The following PPP1R1A variants were observed in gnomAD, a reference collection of about 807,000 sequenced individuals.
The protein encoded by PPP1R1A is protein phosphatase 1 regulatory inhibitor subunit 1A.
Under a neutral mutation model 23.9 loss-of-function variants are expected in PPP1R1A, and 18 were observed. That is an observed-to-expected ratio of 0.75 (90% CI 0.52 to 1.12). PPP1R1A has a LOEUF of 1.12. Ranked by LOEUF, PPP1R1A falls within the 50% of genes most tolerant of loss-of-function variation. The pLI is 0.00. For synonymous variants in PPP1R1A, 84 were observed against 80.7 expected, an observed-to-expected ratio of 1.04 and a Z score of -0.22; for missense variants, 207 against 223.8, an observed-to-expected ratio of 0.92 and a Z score of 0.48.
rs1406280712 is a variant in PPP1R1A, at chr12:54,581,133, C to T, written c.404-83G>A. The T allele has an allele frequency of 3.6e-6, 4 of 1,098,000 alleles. No homozygotes were observed. In the African/African-American group the frequency reaches 6.2e-5, roughly 17 times the overall value. The allele number at this position is 1,098,000 out of a possible 1,614,324, so 68.0% of individuals were successfully genotyped here. On this transcript the variant is annotated intron_variant, in intron 5 of 6. Transcript: ENST00000257905. This position sits in a 1 kb window ranked among gnomAD's most constrained non-coding sequence, Gnocchi z 4.1. ...GGGAACTGCTTCTCCTCACTGCACCCATACCCCAGTGGCCCCTGAGAGGGC... is the reference window on the plus strand; with the variant it reads ...GGGAACTGCTTCTCCTCACTGCACCTATACCCCAGTGGCCCCTGAGAGGGC...
rs1957935623 is a variant in PPP1R1A, at chr12:54,588,546, G to C, written c.-58C>G. 1.8e-6 allele frequency: 2 copies of C among 1,130,466 alleles called. No individual in the cohort carries two copies. The highest frequency in any genetic ancestry group is 2.3e-6 in the Non-Finnish European group (2 of 877,320). 70.0% of individuals were successfully genotyped at this position (1,130,466 alleles called of 1,614,324 possible). A position where few individuals can be genotyped will look rare whatever the true frequency, so the allele number is the denominator to read the frequency against. On this transcript the variant is annotated 5_prime_UTR_variant, in exon 1 of 7. Coordinates refer to ENST00000257905, the MANE Select transcript of PPP1R1A (RefSeq NM_006741.4). ...GGCGGGAGGGAAGGCGGCGGGACTC[G>C]GGGCTGGGGCGGGCGCGCTCCCTCT...
chr12:54,586,126 C>T (rs1462508952), intron 1 of PPP1R1A, among the ~76,000 whole-genome samples: 3 of 151,964 alleles, frequency 2.0e-5, no homozygotes, highest in Admixed American at 6.6e-5. Context: ...GGTGGAGTGG[C>T]GATCAGTGGG....
chr12:54,588,067 G>C (rs1311813070), intron 1 of PPP1R1A, among the ~76,000 whole-genome samples: 1 of 152,012 alleles, frequency 6.6e-6, no homozygotes, highest in Non-Finnish European at 1.5e-5. Context: ...GGGTTGACTG[G>C]GTGGGGGATG....
At chr12:54,582,694 C>T (rs1383213761) in intron 4 of PPP1R1A, 38 bp downstream of exon 4, 1 of 1,599,290 alleles carries the variant, frequency 6.3e-7, no homozygotes. Context: ...CAGCTTCAGG[C>T]ACAGAGGAGA....
intron 6 of PPP1R1A, 72 bp downstream of exon 6, chr12:54,580,871 AT>A (rs769266726): frequency 8.0e-7 from 1 of 1,249,436 alleles, no homozygotes; most frequent in Non-Finnish European, 1.2e-6. Context: ...GACTCCAAAT[AT>A]TAGCCCCTTG....
chr12:54,579,997 TAAG>T lies in PPP1R1A; in HGVS notation c.*387_*389del. 2 of 1,008,678 alleles carry T rather than the reference TAAG, an allele frequency of 2.0e-6. No individual in the cohort carries two copies. Among genetic ancestry groups the T allele is most frequent in the Non-Finnish European group, 2.4e-6 (2 of 843,938 alleles). The allele number at this position is 1,008,678 out of a possible 1,614,324, so 62.5% of individuals were successfully genotyped here. A position where few individuals can be genotyped will look rare whatever the true frequency, so the allele number is the denominator to read the frequency against. ...GTGAGGTGGTCGGATCGTTCCTCAA[TAAG>T]AAAAGAGAACCTGGGGCTTTTCTTC... On this transcript the variant is annotated 3_prime_UTR_variant, in exon 7 of 7. Coordinates refer to ENST00000257905, the MANE Select transcript of PPP1R1A (RefSeq NM_006741.4).
Position 54,579,416 on chromosome 12 carries a change from C to G in PPP1R1A, c.*971G>C. The G allele has an allele frequency of 1.0e-6, 1 of 985,416 alleles. No homozygotes were observed. The allele number at this position is 985,416 out of a possible 1,614,324, so 61.0% of individuals were successfully genotyped here. On this transcript the variant is annotated 3_prime_UTR_variant, in exon 7 of 7. Coordinates refer to ENST00000257905, the MANE Select transcript of PPP1R1A (RefSeq NM_006741.4). ...AGGAGGCCCCGAGGGCTCATAGTAGCTGCATGGCAGAAGTGGGACCTGACG... is the reference window on the plus strand; with the variant it reads ...AGGAGGCCCCGAGGGCTCATAGTAGGTGCATGGCAGAAGTGGGACCTGACG...
At position 54,580,952 on chromosome 12, in the gene PPP1R1A, C is replaced by G. The variant is rs754568239; in HGVS notation, c.502G>C (p.Ala168Pro). The G allele has an allele frequency of 6.2e-7, 1 of 1,613,358 alleles. No individual in the cohort carries two copies. Among genetic ancestry groups the G allele is most frequent in the East Asian group, 2.2e-5 (1 of 44,886 alleles). ...THIPPLDSKG[A>P]NSV ...CAGCCCTGGGGTCTTACCGAGTTGG[C>G]TCCCTTGGAATCCAGTGGTGGTATA... The change falls in exon 6 of 7, where the codon GCC (alanine) becomes CCC (proline). Residue 168 changes from alanine (A) to proline (P), a missense_variant. Physicochemically the swap from Ala to Pro is conservative, Grantham distance 27 (BLOSUM62 -1). Transcript: ENST00000257905.
At chr12:54,586,203 G>C (rs1336076807) in intron 1 of PPP1R1A, among the ~76,000 whole-genome samples, 1 of 152,154 alleles carries the variant, frequency 6.6e-6, no homozygotes, top group Non-Finnish European at 1.5e-5. Flanking sequence ...CAGCAGGGCT[G>C]TCTGGTCTTG....
intron 1 of PPP1R1A, among the ~76,000 whole-genome samples, chr12:54,585,983 G>C (rs186215022): frequency 5.7e-4 from 87 of 152,232 alleles, no homozygotes; most frequent in African/African-American, 1.9e-3. Context: ...GGTCATTCCT[G>C]ATACACATGG....
Position 54,579,946 on chromosome 12 carries a change from G to A in PPP1R1A, c.*441C>T, listed in dbSNP as rs1957838499. On this transcript the variant is annotated 3_prime_UTR_variant, in exon 7 of 7. Transcript: ENST00000257905. ...GACACGGCACAGGCCTTAGAGCGCCGAGTCTTCCAGCTGCAGGGCAGGCCT... is the reference window on the plus strand; with the variant it reads ...GACACGGCACAGGCCTTAGAGCGCCAAGTCTTCCAGCTGCAGGGCAGGCCT... The A allele has an allele frequency of 1.0e-6, 1 of 993,524 alleles. No homozygotes were observed. Among genetic ancestry groups the A allele is most frequent in the Non-Finnish European group, 1.2e-6 (1 of 834,696 alleles). The allele number at this position is 993,524 out of a possible 1,614,324, so 61.5% of individuals were successfully genotyped here.
In PPP1R1A at chr12:54,579,401, G is replaced by A. The variant is rs142982518; in HGVS notation, c.*986C>T. The A allele has an allele frequency of 4.3e-5, 42 of 985,336 alleles. No homozygotes were observed. The highest frequency in any genetic ancestry group is 2.3e-4 in the African/African-American group (13 of 57,292). The allele number at this position is 985,336 out of a possible 1,614,324, so 61.0% of individuals were successfully genotyped here. ...AAGCTGAGGCCCAGGAGGAGGCCCC[G>A]AGGGCTCATAGTAGCTGCATGGCAG... On this transcript the variant is annotated 3_prime_UTR_variant, in exon 7 of 7. Transcript: ENST00000257905.
At chr12:54,582,875 G>A in intron 3 of PPP1R1A, 80 bp from the exon 4 acceptor site, 1 of 1,391,250 alleles carries the variant, frequency 7.2e-7, no homozygotes, top group Non-Finnish European at 9.9e-7. Context: ...AGCCCCCCAT[G>A]CCCTCCAGCC....
chr12:54,582,514 G>T (rs1957865452), intron 4 of PPP1R1A, among the ~76,000 whole-genome samples: 1 of 152,128 alleles, frequency 6.6e-6, no homozygotes. Flanking sequence ...TATTTTATCT[G>T]CCATAATGAG....
chr12:54,588,256 A>ACCCC lies in PPP1R1A; in HGVS notation c.84+145_84+148dup, dbSNP rs142801029. On this transcript the variant is annotated intron_variant, in intron 1 of 6. Transcript: ENST00000257905. ...CCGACGGTGGGGGAGGGGACAGAAG[A>ACCCC]CCCCCCCCCGCCCCCCGCAAACTGA... 1.1e-4 allele frequency: 20 copies of ACCCC among 181,490 alleles called. 1 individual carries two copies. Among genetic ancestry groups the ACCCC allele is most frequent in the African/African-American group, 3.8e-4 (14 of 36,608 alleles). The allele number at this position is 181,490 out of a possible 1,614,324, so 11.2% of individuals were successfully genotyped here.
Position 54,582,021 on chromosome 12 carries a change from C to G in PPP1R1A, c.358G>C (p.Asp120His). 1 of 1,613,738 alleles carries G rather than the reference C, an allele frequency of 6.2e-7. No homozygotes were observed. Among genetic ancestry groups the G allele is most frequent in the South Asian group, 1.1e-5 (1 of 91,042 alleles). The change falls in exon 5 of 7, where the codon GAC becomes CAC. Residue 120 changes from aspartate to histidine, a missense_variant. Coordinates refer to ENST00000257905, the MANE Select transcript of PPP1R1A (RefSeq NM_006741.4). Reference sequence around the variant, plus strand: ...CCCAGCCTTGACTCCACTTCTGTGTCTGGGATCCCAGGTGGGCGGGACTCC... The same window carrying G: ...CCCAGCCTTGACTCCACTTCTGTGTGTGGGATCCCAGGTGGGCGGGACTCC... The part of the protein sequence containing the change: ...TQESRPPGIP[D>H]TEVESRLGTS...
At chr12:54,583,179 TG>T (rs1565711975) in intron 3 of PPP1R1A, 31 bp downstream of exon 3, 1 of 1,552,678 alleles carries the variant, frequency 6.4e-7, no homozygotes, top group East Asian at 2.3e-5. Context: ...GGGGGTTTTT[TG>T]GGCTGGGCTT....
At position 54,581,159 on chromosome 12, in the gene PPP1R1A, C is replaced by G. The variant is rs45503610; in HGVS notation, c.404-109G>C. The G allele has an allele frequency of 2.5e-6, 2 of 793,328 alleles. No homozygotes were observed. Among genetic ancestry groups the G allele is most frequent in the African/African-American group, 3.4e-5 (2 of 58,264 alleles). The allele number at this position is 793,328 out of a possible 1,614,324, so 49.1% of individuals were successfully genotyped here. ...ATACCCCAGTGGCCCCTGAGAGGGC[C>G]CCAGGACCAAGTTGGGTGCAATCAG... On this transcript the variant is annotated intron_variant, in intron 5 of 6. Transcript: ENST00000257905. This position sits in a 1 kb window ranked among gnomAD's most constrained non-coding sequence, Gnocchi z 4.1.
At chr12:54,583,365 A>G in intron 2 of PPP1R1A, 117 bp from the exon 3 acceptor site, 1 of 1,016,070 alleles carries the variant, frequency 9.8e-7, no homozygotes, top group Non-Finnish European at 1.3e-6. Flanking sequence ...TGTCCCTCAC[A>G]TCTGCCCCCA....
Sources: allele counts gnomAD v4.1 joint callset (sites outside exome capture counted in the v4.1 genomes callset), GRCh38; gene constraint gnomAD v4.1.1; non-coding constraint Gnocchi (gnomAD v3.1); transcripts MANE v1.5; gene names NCBI Gene and HGNC (gene_info 2026-07-23, HGNC 2026-07-21).